Variants in LAMA2 observed in about 807,000 individuals in gnomAD.
LAMA2 encodes the protein laminin subunit alpha-2.
A neutral mutation model predicts 364.8 loss-of-function variants in LAMA2; 269 were observed. That is an observed-to-expected ratio of 0.74 (90% CI 0.67 to 0.82). LAMA2 has a LOEUF of 0.82. LAMA2 is among the 40% of genes least tolerant of loss of function. The pLI is 0.00. For missense variants in LAMA2, 3,807 were observed against 3,873.2 expected, an observed-to-expected ratio of 0.98 and a Z score of 0.45; for synonymous variants, 1,379 against 1,370.6, an observed-to-expected ratio of 1.01 and a Z score of -0.14.
chr6:129,173,166 C>A (rs1583187139), intron 9 of LAMA2, among the ~76,000 whole-genome samples: 1 of 152,344 alleles, frequency 6.6e-6, no homozygotes, highest in Non-Finnish European at 1.5e-5. Flanking sequence ...TAGACCGGAG[C>A]TGTTCCTATT....
intron 34 of LAMA2, among the ~76,000 whole-genome samples, chr6:129,379,364 C>T (rs1778552356): frequency 6.6e-6 from 1 of 151,552 alleles, no homozygotes; most frequent in East Asian, 1.9e-4. Context: ...GCACATCCTG[C>T]ACATGTATCC....
At chr6:129,184,854 C>A (rs944477915) in intron 10 of LAMA2, among the ~76,000 whole-genome samples, 1 of 152,026 alleles carries the variant, frequency 6.6e-6, no homozygotes, top group Non-Finnish European at 1.5e-5. Context: ...ATATTAAAAG[C>A]TGAACTTGTG....
At position 129,393,298 on chromosome 6, in the gene LAMA2, G is replaced by A. The variant is rs1344734959; in HGVS notation, c.5445+43G>A. 3.5e-6 allele frequency: 5 copies of A among 1,417,706 alleles called. No homozygotes were observed. In the South Asian group the frequency reaches 5.8e-5, roughly 16 times the overall value. 87.8% of individuals were successfully genotyped at this position (1,417,706 alleles called of 1,614,324 possible). On this transcript the variant is annotated intron_variant, in intron 37 of 64. Coordinates refer to ENST00000421865, the MANE Select transcript of LAMA2 (RefSeq NM_000426.4). The stretch of plus-strand genomic sequence containing the variant: ...TTTTATCTTAATCTCAGAAGGTTGG[G>A]GACTGCGGGGGCAGTGTTGAACATG...
chr6:129,455,556 T>G (rs1782918551), intron 47 of LAMA2, among the ~76,000 whole-genome samples: 1 of 152,160 alleles, frequency 6.6e-6, no homozygotes, highest in Admixed American at 6.5e-5. Flanking sequence ...GAGACAGCAG[T>G]CAGGGAAATA....
At chr6:129,385,917 C>T (rs1320240786) in intron 35 of LAMA2, among the ~76,000 whole-genome samples, 1 of 152,110 alleles carries the variant, frequency 6.6e-6, no homozygotes, top group Non-Finnish European at 1.5e-5. Context: ...GGAATTTTTA[C>T]TTACCTTTAT....
chr6:129,505,332 T>C lies in LAMA2; in HGVS notation c.8680T>C (p.Tyr2894His), dbSNP rs867476418. ...GTATGTTGGTGGGTTACCCATCAAC[T>C]ACACTACCCGAAGAATTGGTCCAGT... ...MLYVGGLPIN[Y>H]TTRRIGPVTY... Residue 2894 changes from tyrosine to histidine, a missense_variant, in exon 61 of 65, where the codon TAC becomes CAC. This residue lies in a region of LAMA2 where 3,333 missense variants were observed against 3,345.7 expected (regional missense o/e 1.00). Transcript: ENST00000421865. 1 of 1,613,744 alleles carries C rather than the reference T, an allele frequency of 6.2e-7. No individual in the cohort carries two copies. Among genetic ancestry groups the C allele is most frequent in the Non-Finnish European group, 8.5e-7 (1 of 1,179,606 alleles).
chr6:129,233,445 G>C (rs189987228), intron 12 of LAMA2, among the ~76,000 whole-genome samples: 17 of 152,174 alleles, frequency 1.1e-4, no homozygotes, highest in African/African-American at 4.1e-4. Context: ...AACATATTTT[G>C]TATTTCATAT....
intron 53 of LAMA2, among the ~76,000 whole-genome samples, chr6:129,477,560 C>A (rs1784129703): frequency 6.6e-6 from 1 of 152,128 alleles, no homozygotes; most frequent in Non-Finnish European, 1.5e-5. Context: ...GACTCAAGGG[C>A]AAGGACTTCA....
At chr6:128,941,417 C>A (rs1780146958) in intron 1 of LAMA2, among the ~76,000 whole-genome samples, 1 of 151,930 alleles carries the variant, frequency 6.6e-6, no homozygotes, top group African/African-American at 2.4e-5. Flanking sequence ...AAAAATGGAT[C>A]TGGGATAGGG....
chr6:129,395,855 G>A (rs1393252489), intron 37 of LAMA2, among the ~76,000 whole-genome samples: 1 of 152,156 alleles, frequency 6.6e-6, no homozygotes, highest in African/African-American at 2.4e-5. Flanking sequence ...AAGGCATGGA[G>A]GAAAGAAAAT....
chr6:129,216,323 A>G (rs1228121229), intron 12 of LAMA2, among the ~76,000 whole-genome samples: 2 of 152,220 alleles, frequency 1.3e-5, no homozygotes, highest in African/African-American at 4.8e-5. Flanking sequence ...AGCTGCCTAG[A>G]GCATAGTCTG....
chr6:128,937,244 T>TA (rs1733870188), intron 1 of LAMA2, among the ~76,000 whole-genome samples: 1 of 152,238 alleles, frequency 6.6e-6, no homozygotes, highest in African/African-American at 2.4e-5. Context: ...TTCCTTTTGA[T>TA]ATGCCGTTGA....
At chr6:129,105,618 G>A in intron 4 of LAMA2, among the ~76,000 whole-genome samples, 1 of 152,046 alleles carries the variant, frequency 6.6e-6, no homozygotes, top group East Asian at 1.9e-4. Context: ...AAAGAATATT[G>A]GTCATTCTAA....
At chr6:129,314,543 C>G in intron 23 of LAMA2, 112 bp from the exon 24 acceptor site, 1 of 906,680 alleles carries the variant, frequency 1.1e-6, no homozygotes, top group East Asian at 2.6e-5. Context: ...CAGTGTTCTT[C>G]TGTTTTGTTT....
chr6:129,429,667 A>G (rs1781493183), intron 41 of LAMA2, among the ~76,000 whole-genome samples: 1 of 152,184 alleles, frequency 6.6e-6, no homozygotes, highest in Admixed American at 6.5e-5. Context: ...CTGTGTTCCT[A>G]TTGGACAAAT....
intron 15 of LAMA2, among the ~76,000 whole-genome samples, chr6:129,264,023 C>A (rs1787319329): frequency 6.6e-6 from 1 of 152,150 alleles, no homozygotes; most frequent in Non-Finnish European, 1.5e-5. Flanking sequence ...GGGTTACAGG[C>A]ATGGGCCAAC....
chr6:129,242,118 A>G (rs926773725), intron 12 of LAMA2, among the ~76,000 whole-genome samples: 2 of 152,138 alleles, frequency 1.3e-5, no homozygotes, highest in Non-Finnish European at 2.9e-5. Flanking sequence ...TACGTAAGCA[A>G]TGAGGATTGC....
At chr6:129,390,286 A>C (rs898294130) in intron 35 of LAMA2, among the ~76,000 whole-genome samples, 2 of 151,970 alleles carry the variant, frequency 1.3e-5, no homozygotes, top group African/African-American at 4.8e-5. Context: ...CTGCATTTCT[A>C]ATGGGCTCCA....
Position 129,475,300 on chromosome 6 carries a change from A to G in LAMA2, c.7440-90A>G, listed in dbSNP as rs144922938. 70 of 799,430 alleles carry G rather than the reference A, an allele frequency of 8.8e-5. No homozygotes were observed. The African/African-American group carries it at 1.1e-3, about 13-fold the overall frequency. The allele number at this position is 799,430 out of a possible 1,614,324, so 49.5% of individuals were successfully genotyped here. ...TGAAATGATTTTTTAAAGATTTATGATTAAAGTTTATTGTTTTACTAAATG... is the reference window on the plus strand; with the variant it reads ...TGAAATGATTTTTTAAAGATTTATGGTTAAAGTTTATTGTTTTACTAAATG... On this transcript the variant is annotated intron_variant, in intron 52 of 64. Coordinates refer to ENST00000421865, the MANE Select transcript of LAMA2 (RefSeq NM_000426.4).
Sources: allele counts gnomAD v4.1 joint callset (sites outside exome capture counted in the v4.1 genomes callset), GRCh38; gene constraint gnomAD v4.1.1; regional missense constraint gnomAD v4.1.1; transcripts MANE v1.5; gene names NCBI Gene and HGNC (gene_info 2026-07-23, HGNC 2026-07-21).